ATP9B: variants seen among roughly 807,000 people sequenced by gnomAD.
ATP9B encodes probable phospholipid-transporting ATPase IIB.
A neutral mutation model predicts 146.1 loss-of-function variants in ATP9B; 110 were observed. That is an observed-to-expected ratio of 0.75 (90% confidence interval 0.65 to 0.88). The LOEUF is 0.88. Among genes scored for constraint, ATP9B ranks in the 40% least tolerant of loss-of-function variants. ATP9B has a pLI of 0.00. For synonymous variants in ATP9B, 604 were observed against 569.7 expected, an observed-to-expected ratio of 1.06 and a Z score of -0.86; for missense variants, 1,499 against 1,496.4, an observed-to-expected ratio of 1.00 and a Z score of -0.03.
intron 7 of ATP9B, among the ~76,000 whole-genome samples, chr18:79,166,704 C>A (rs1386224223): frequency 1.3e-5 from 2 of 152,222 alleles, no homozygotes; most frequent in Non-Finnish European, 2.9e-5. Flanking sequence ...CTGAGCACCA[C>A]CTTTTGTCAC....
intron 23 of ATP9B, among the ~76,000 whole-genome samples, chr18:79,346,562 G>A (rs1208374633): frequency 8.9e-6 from 1 of 111,930 alleles, no homozygotes; most frequent in Non-Finnish European, 1.9e-5. Flanking sequence ...CTCGGTCAGC[G>A]CACGTCAGCA....
At chr18:79,118,390 G>GTTTTT (rs752788043) in intron 4 of ATP9B, among the ~76,000 whole-genome samples, 28 of 93,272 alleles carry the variant, frequency 3.0e-4, no homozygotes, top group Non-Finnish European at 4.1e-4. Flanking sequence ...GAACGTTTTT[G>GTTTTT]TTTTTTTTTT....
At position 79,135,816 on chromosome 18, in the gene ATP9B, A is replaced by G. The variant is rs189879460; in HGVS notation, c.668-7986A>G. Among the ~76,000 whole-genome samples, 289 of 152,064 alleles carry G rather than the reference A, an allele frequency of 1.9e-3. 4 individuals carry two copies. Among genetic ancestry groups the G allele is most frequent in the African/African-American group, 6.1e-3 (252 of 41,456 alleles). ...ACTTACGAATATCCATTTTGAGTCT[A>G]TTTTTGTCTACTGTGCAGAGTATGG... On this transcript the variant is annotated intron_variant, in intron 5 of 29. Coordinates refer to ENST00000426216, the MANE Select transcript of ATP9B (RefSeq NM_198531.5).
chr18:79,073,155 G>C (rs1340646470), intron 1 of ATP9B, among the ~76,000 whole-genome samples: 7 of 152,018 alleles, frequency 4.6e-5, no homozygotes, highest in Admixed American at 3.9e-4. Context: ...CTGGGAGGCC[G>C]GGCAGACGGG....
At chr18:79,234,785 AT>A (rs2095825810) in intron 11 of ATP9B, among the ~76,000 whole-genome samples, 1 of 152,104 alleles carries the variant, frequency 6.6e-6, no homozygotes, top group African/African-American at 2.4e-5. Context: ...AACGGACGGT[AT>A]TTGGTTTATT....
At chr18:79,190,600 G>A (rs1055998961) in intron 8 of ATP9B, among the ~76,000 whole-genome samples, 1 of 151,966 alleles carries the variant, frequency 6.6e-6, no homozygotes, top group Non-Finnish European at 1.5e-5. Context: ...CTGGAGTGCA[G>A]TGGTGCGATC....
chr18:79,339,396 G>T (rs2147314942), intron 19 of ATP9B, among the ~76,000 whole-genome samples: 1 of 148,238 alleles, frequency 6.7e-6, no homozygotes, highest in East Asian at 2.0e-4. Flanking sequence ...AAGTGTGCAT[G>T]ATTGCAGTAG....
At chr18:79,220,618 T>C (rs1020532680) in intron 11 of ATP9B, among the ~76,000 whole-genome samples, 1 of 151,968 alleles carries the variant, frequency 6.6e-6, no homozygotes, top group Non-Finnish European at 1.5e-5. Context: ...AAAAATAGAT[T>C]AATTAAAAAA....
intron 7 of ATP9B, among the ~76,000 whole-genome samples, chr18:79,163,495 G>A (rs2094914352): frequency 6.6e-6 from 1 of 152,068 alleles, no homozygotes; most frequent in African/African-American, 2.4e-5. Context: ...TCACAGATGT[G>A]TCAGATAGAG....
At chr18:79,099,249 G>C (rs1277207416) in intron 2 of ATP9B, among the ~76,000 whole-genome samples, 4 of 151,732 alleles carry the variant, frequency 2.6e-5, no homozygotes, top group Non-Finnish European at 5.9e-5. Flanking sequence ...TTGAGACGGA[G>C]TCTTGCTTTG....
chr18:79,157,405 A>AAAAAAAAAACC (rs1555714765), intron 7 of ATP9B, among the ~76,000 whole-genome samples: 5 of 124,598 alleles, frequency 4.0e-5, no homozygotes, highest in Non-Finnish European at 8.5e-5. Context: ...TCAAAAAAAA[A>AAAAAAAAAACC]AAAAAAAAAA....
intron 10 of ATP9B, among the ~76,000 whole-genome samples, chr18:79,208,936 G>T (rs747676793): frequency 3.9e-5 from 6 of 152,150 alleles, no homozygotes; most frequent in Non-Finnish European, 8.8e-5. Context: ...CTCTGTAAGG[G>T]TCTTCACACC....
At chr18:79,293,171 T>A (rs553380583) in intron 13 of ATP9B, among the ~76,000 whole-genome samples, 1 of 151,302 alleles carries the variant, frequency 6.6e-6, no homozygotes, top group African/African-American at 2.4e-5. Flanking sequence ...TGGATACTTA[T>A]CCCACTTGTA....
intron 9 of ATP9B, among the ~76,000 whole-genome samples, chr18:79,200,782 T>TGGAGGTGGGAACTGTCGGGGTCAGAGC (rs1568389089): frequency 1.0e-4 from 1 of 9,964 alleles, no homozygotes; most frequent in Non-Finnish European, 2.2e-4. Context: ...AGAGCAGAAG[T>TGGAGGTGGGAACTGTCGGGGTCAGAGC]AGTGGTGGAA....
Position 79,231,803 on chromosome 18 carries a change from T to TACACAC in ATP9B, c.1107+17772_1107+17777dup, listed in dbSNP as rs1555777826. Reference sequence around the variant, plus strand: ...GTATATATATATATATATATATATATACACACACACACCATGGAATACTGC... The same window carrying TACACAC: ...GTATATATATATATATATATATATATACACACACACACACACACCATGGAATACTGC... On this transcript the variant is annotated intron_variant, in intron 11 of 29. Transcript: ENST00000426216. Among the ~76,000 whole-genome samples the TACACAC allele has an allele frequency of 9.3e-3, 1,068 of 114,716 alleles. 31 individuals are homozygous for TACACAC. The highest frequency in any genetic ancestry group is 0.027 in the African/African-American group (811 of 29,510). The allele number at this position is 114,716 out of a possible 152,430, so 75.3% of individuals were successfully genotyped here. A position where few individuals can be genotyped will look rare whatever the true frequency, so the allele number is the denominator to read the frequency against.
chr18:79,331,993 C>A (rs2096792512), intron 17 of ATP9B, among the ~76,000 whole-genome samples: 1 of 152,182 alleles, frequency 6.6e-6, no homozygotes, highest in African/African-American at 2.4e-5. Flanking sequence ...CTTCTGACTC[C>A]CCAACACGTA....
chr18:79,293,663 C>T (rs2096527509), intron 13 of ATP9B, among the ~76,000 whole-genome samples: 1 of 152,190 alleles, frequency 6.6e-6, no homozygotes, highest in Non-Finnish European at 1.5e-5. Context: ...ATTAATTACC[C>T]AGTCTCAGGT....
chr18:79,244,512 T>C (rs558990431), intron 11 of ATP9B, among the ~76,000 whole-genome samples: 1 of 152,340 alleles, frequency 6.6e-6, no homozygotes, highest in South Asian at 2.1e-4. Flanking sequence ...AATTTCGGAA[T>C]ACTGTGACAT....
At chr18:79,184,236 T>A (rs974137738) in intron 8 of ATP9B, among the ~76,000 whole-genome samples, 3 of 152,212 alleles carry the variant, frequency 2.0e-5, no homozygotes, top group Non-Finnish European at 2.9e-5. Context: ...CTATTATAAT[T>A]ATTAAAATAG....
Sources: gnomAD v4.1 joint callset for allele counts (sites outside exome capture counted in the v4.1 genomes callset) on GRCh38, gnomAD v4.1.1 for gene constraint, MANE v1.5 for transcripts, NCBI Gene and HGNC (gene_info 2026-07-23, HGNC 2026-07-21) for gene names.